RUSC2: variants seen among roughly 807,000 people sequenced by gnomAD.
RUSC2 encodes the protein AP-4 complex accessory subunit RUSC2.
RUSC2 carries 34 observed loss-of-function variants against 122.2 expected under a neutral mutation model. The ratio of observed to expected loss-of-function variants is 0.28; its 90% CI spans 0.21 to 0.37. The LOEUF (loss-of-function observed/expected upper bound fraction) is 0.37. Among genes scored for constraint, RUSC2 ranks in the 10% least tolerant of loss-of-function variants. RUSC2 has a pLI of 1.00. For synonymous variants in RUSC2, 784 were observed against 790.0 expected (o/e 0.99, Z 0.13); for missense variants, 1,747 against 1,952.4 (o/e 0.89, Z 1.98).
intron 2 of RUSC2, among the ~76,000 whole-genome samples, 180 bp from the exon 3 acceptor site, chr9:35,554,876 AAAAG>A (rs140444057): frequency 0.012 from 1,762 of 152,300 alleles, 12 homozygotes; most frequent in Middle Eastern, 0.031. Context: ...CCAGCACCAT[AAAAG>A]CAATAGGAAG....
chr9:35,551,322 G>T (rs1229591631), intron 2 of RUSC2, among the ~76,000 whole-genome samples: 1 of 152,110 alleles, frequency 6.6e-6, no homozygotes. Context: ...CTTCACAAAA[G>T]AAAATGTTTT....
At position 35,556,392 on chromosome 9, in the gene RUSC2, G is replaced by T; in HGVS notation, c.2927G>T (p.Cys976Phe). 1.9e-6 allele frequency: 3 copies of T among 1,614,184 alleles called. No individual in the cohort carries two copies. The highest frequency in any genetic ancestry group is 2.5e-6 in the Non-Finnish European group (3 of 1,180,030). ...SLTEKPPAEF[C>F]LSPDGSSEAI... ...ACGGAGAAGCCTCCAGCTGAGTTTT[G>T]TCTGTCCCCAGATGGCAGCTCAGAG... is the stretch of plus-strand genomic sequence containing the variant. The change falls in exon 5 of 12, where the codon TGT becomes TTT. Residue 976 changes from cysteine (C) to phenylalanine (F), a missense_variant. By Grantham distance (205) the Cys-to-Phe change is radical. Coordinates refer to ENST00000361226, the MANE Select transcript of RUSC2 (RefSeq NM_014806.5).
In RUSC2 at chr9:35,555,049, C is replaced by T; in HGVS notation, c.2015-11C>T. The T allele has an allele frequency of 1.9e-6, 3 of 1,609,686 alleles. 1 individual carries two copies. In the South Asian group the frequency reaches 3.3e-5, roughly 18 times the overall value. ...CTGTCTACTGATTTCTTCTCCATCC[C>T]TTTGCTACAGGGGGTGGCACCGAGA... On this transcript the variant is annotated splice_polypyrimidine_tract_variant and intron_variant, in intron 2 of 11. Transcript: ENST00000361226. This position sits in a 1 kb window ranked among gnomAD's most constrained non-coding sequence, Gnocchi z 4.6.
chr9:35,560,988 A>C lies in RUSC2; in HGVS notation c.4240A>C (p.Lys1414Gln). ...CCCCTCGGACTGGCTGAGCCTGGACAAGTCCATGTTCCAACTAGTGGCGCA... is the reference window on the plus strand; with the variant it reads ...CCCCTCGGACTGGCTGAGCCTGGACCAGTCCATGTTCCAACTAGTGGCGCA... ...RLPSDWLSLD[K>Q]SMFQLVAQTV... Residue 1414 changes from lysine to glutamine, a missense_variant, in exon 11 of 12, where the codon AAG becomes CAG. By Grantham distance (53) the Lys-to-Gln change is moderately conservative. Transcript: ENST00000361226. 1 of 1,614,236 alleles carries C rather than the reference A, an allele frequency of 6.2e-7. No individual in the cohort carries two copies. Among genetic ancestry groups the C allele is most frequent in the Non-Finnish European group, 8.5e-7 (1 of 1,180,028 alleles).
chr9:35,552,348 GA>G (rs1821916962), intron 2 of RUSC2, among the ~76,000 whole-genome samples: 1 of 152,118 alleles, frequency 6.6e-6, no homozygotes, highest in South Asian at 2.1e-4. Context: ...GTGACAAAGT[GA>G]GACTCTGTCT....
At chr9:35,491,083 A>G (rs1820558513) in intron 1 of RUSC2, among the ~76,000 whole-genome samples, 1 of 150,420 alleles carries the variant, frequency 6.6e-6, no homozygotes, top group African/African-American at 2.4e-5. Flanking sequence ...GTCCGTGATA[A>G]AGAACACAGG....
Position 35,555,199 on chromosome 9 carries a change from G to T in RUSC2, c.2154G>T (p.Gln718His). ...CCCGGGCCCTCCACAGCCTTTCCCAGCTCTACAGCCTCTCAGGCTGCAGCC... is the reference window on the plus strand; with the variant it reads ...CCCGGGCCCTCCACAGCCTTTCCCATCTCTACAGCCTCTCAGGCTGCAGCC... ...AKARALHSLSQLYSLSGCSRT... is the reference protein window; with the variant it reads ...AKARALHSLSHLYSLSGCSRT... Residue 718 changes from glutamine to histidine, a missense_variant, in exon 3 of 12, where the codon CAG becomes CAT. Transcript: ENST00000361226. This position sits in a 1 kb window ranked among gnomAD's most constrained non-coding sequence, Gnocchi z 4.6. 6.2e-7 allele frequency: 1 copy of T among 1,613,346 alleles called. No individual in the cohort carries two copies. The highest frequency in any genetic ancestry group is 8.5e-7 in the Non-Finnish European group (1 of 1,180,010).
chr9:35,547,335 T>G lies in RUSC2; in HGVS notation c.814T>G (p.Ser272Ala). The G allele has an allele frequency of 1.2e-6, 2 of 1,614,118 alleles. No individual in the cohort carries two copies. Among genetic ancestry groups the G allele is most frequent in the South Asian group, 1.1e-5 (1 of 91,082 alleles). ...CCAGTCCATGGGCTATGTGAGCGAC[T>G]CCTCCTGCAACAGTTCAGATGGTGT... ...ADQSMGYVSD[S>A]SCNSSDGVLV... Residue 272 changes from serine (S) to alanine (A), a missense_variant, in exon 2 of 12, where the codon TCC becomes GCC. Coordinates refer to ENST00000361226, the MANE Select transcript of RUSC2 (RefSeq NM_014806.5). This position sits in a 1 kb window ranked among gnomAD's most constrained non-coding sequence, Gnocchi z 4.6.
Position 35,558,355 on chromosome 9 carries a change from G to A in RUSC2, c.3219G>A (p.Glu1073=). 6.2e-7 allele frequency: 1 copy of A among 1,614,108 alleles called. No homozygotes were observed. Among genetic ancestry groups the A allele is most frequent in the Non-Finnish European group, 8.5e-7 (1 of 1,179,984 alleles). The change falls in exon 7 of 12, where the codon GAG becomes GAA. Residue 1073 remains glutamate (E), a synonymous_variant. Coordinates refer to ENST00000361226, the MANE Select transcript of RUSC2 (RefSeq NM_014806.5). This position sits in a 1 kb window ranked among gnomAD's most constrained non-coding sequence, Gnocchi z 4.3. ...AGAACATGCCATGGAGTGTGGTTGA[G>A]GCTTCCACACAGCTAGGTAGGTGCT... The part of the protein sequence containing the change: ...QRKNMPWSVV[E]ASTQLGPSTK...
At position 35,557,863 on chromosome 9, in the gene RUSC2, G is replaced by C; in HGVS notation, c.2984-51G>C. Reference sequence around the variant, plus strand: ...AACCTGAGGTTTCAGCCCCAGCTGAGTTGGTTAAGGACTTGCTCAGGGACC... The same window carrying C: ...AACCTGAGGTTTCAGCCCCAGCTGACTTGGTTAAGGACTTGCTCAGGGACC... On this transcript the variant is annotated intron_variant, in intron 5 of 11. Coordinates refer to ENST00000361226, the MANE Select transcript of RUSC2 (RefSeq NM_014806.5). This position sits in a 1 kb window ranked among gnomAD's most constrained non-coding sequence, Gnocchi z 4.6. 6.5e-7 allele frequency: 1 copy of C among 1,536,594 alleles called. No homozygotes were observed.
chr9:35,506,844 G>A (rs1017139438), intron 1 of RUSC2, among the ~76,000 whole-genome samples: 1 of 152,316 alleles, frequency 6.6e-6, no homozygotes, highest in Non-Finnish European at 1.5e-5. Context: ...AGGCATGGTG[G>A]CTCACACCTG....
chr9:35,554,998 GT>G, intron 2 of RUSC2, 61 bp from the exon 3 acceptor site: 1 of 1,588,838 alleles, frequency 6.3e-7, no homozygotes, highest in South Asian at 1.1e-5. Flanking sequence ...CTGCTTCTGG[GT>G]TTTCTCTCAT....
intron 2 of RUSC2, among the ~76,000 whole-genome samples, chr9:35,553,593 G>C (rs181062844): frequency 2.0e-5 from 3 of 152,332 alleles, no homozygotes; most frequent in African/African-American, 7.2e-5. Flanking sequence ...TATTGAGGGG[G>C]TGATATTTGA....
rs773721533 is a variant in RUSC2, at chr9:35,547,413, A to G, written c.892A>G (p.Asn298Asp). 1 of 1,614,150 alleles carries G rather than the reference A, an allele frequency of 6.2e-7. No individual in the cohort carries two copies. The highest frequency in any genetic ancestry group is 1.1e-5 in the South Asian group (1 of 91,084). ...CAAGATGCATGGCACCCCCCGTGCC[A>G]ATCTCAACTCTGCCCCACAGTCCTG... ...YNKMHGTPRA[N>D]LNSAPQSCSD... Residue 298 changes from asparagine (N) to aspartate (D), a missense_variant, in exon 2 of 12, where the codon AAT (asparagine) becomes GAT (aspartate). By Grantham distance (23) the Asn-to-Asp change is conservative. Transcript: ENST00000361226. The surrounding 1 kb of genome is among the most constrained non-coding windows in gnomAD (Gnocchi z 4.6).
intron 2 of RUSC2, among the ~76,000 whole-genome samples, chr9:35,551,356 T>C (rs977723512): frequency 6.6e-6 from 1 of 152,122 alleles, no homozygotes; most frequent in African/African-American, 2.4e-5. Context: ...ATATCTGTGC[T>C]GTCAGGGAGA....
intron 1 of RUSC2, among the ~76,000 whole-genome samples, chr9:35,516,975 T>C (rs979105261): frequency 6.6e-5 from 10 of 152,234 alleles, no homozygotes; most frequent in Admixed American, 2.0e-4. Flanking sequence ...ATTTAATTAT[T>C]CCACATGATA....
intron 1 of RUSC2, among the ~76,000 whole-genome samples, chr9:35,540,190 G>A (rs1225095461): frequency 6.6e-6 from 1 of 152,012 alleles, no homozygotes; most frequent in East Asian, 1.9e-4. Flanking sequence ...GCAACATGGT[G>A]AAACCCTGTC....
At chr9:35,503,672 A>C (rs1820858803) in intron 1 of RUSC2, among the ~76,000 whole-genome samples, 1 of 152,080 alleles carries the variant, frequency 6.6e-6, no homozygotes, top group Non-Finnish European at 1.5e-5. Context: ...TCTTTAAGGA[A>C]TCGCCATACT....
intron 1 of RUSC2, among the ~76,000 whole-genome samples, chr9:35,545,058 T>C (rs149050023): frequency 2.0e-3 from 306 of 152,336 alleles, no homozygotes; most frequent in African/African-American, 7.1e-3. Context: ...TATATTTTAA[T>C]ACCTTGTCCC....
Sources: gnomAD v4.1 joint callset for allele counts (sites outside exome capture counted in the v4.1 genomes callset) on GRCh38, gnomAD v4.1.1 for gene constraint, Gnocchi (gnomAD v3.1) non-coding constraint, MANE v1.5 for transcripts, NCBI Gene and HGNC (gene_info 2026-07-23, HGNC 2026-07-21) for gene names.